The following KLHDC1 variants were observed in gnomAD, a reference collection of about 807,000 sequenced individuals.
KLHDC1 encodes the protein kelch domain-containing protein 1.
KLHDC1 carries 53 observed loss-of-function variants against 68.3 expected under a neutral mutation model. That is an observed-to-expected ratio of 0.78 (90% CI 0.62 to 0.98). KLHDC1 has a LOEUF of 0.98. Among genes scored for constraint, KLHDC1 ranks in the 50% least tolerant of loss-of-function variants. The probability of loss-of-function intolerance (pLI) is 0.00; values close to 1 mark genes in which losing one functional copy is unlikely to be tolerated. For missense variants in KLHDC1, 470 were observed against 492.3 expected, an observed-to-expected ratio of 0.95 and a Z score of 0.43; for synonymous variants, 148 against 159.0, an observed-to-expected ratio of 0.93 and a Z score of 0.52.
At chr14:49,714,599 C>T (rs1030499696) in intron 4 of KLHDC1, among the ~76,000 whole-genome samples, 1 of 151,634 alleles carries the variant, frequency 6.6e-6, no homozygotes, top group Non-Finnish European at 1.5e-5. Flanking sequence ...CACAGTGAGA[C>T]CTCATCTCTA....
At chr14:49,722,518 A>G (rs536235421) in intron 4 of KLHDC1, among the ~76,000 whole-genome samples, 1 of 152,174 alleles carries the variant, frequency 6.6e-6, no homozygotes, top group Non-Finnish European at 1.5e-5. Context: ...TCTATCATTG[A>G]TGGACATTTG....
At position 49,723,067 on chromosome 14, in the gene KLHDC1, A is replaced by C. The variant is rs1173479346; in HGVS notation, c.405-807A>C. Among the ~76,000 whole-genome samples, 3 of 126,436 alleles carry C rather than the reference A, an allele frequency of 2.4e-5. No individual in the cohort carries two copies. In the Admixed American group the frequency reaches 3.1e-4, roughly 13 times the overall value. 82.9% of individuals were successfully genotyped at this position (126,436 alleles called of 152,430 possible). On this transcript the variant is annotated intron_variant, in intron 4 of 12. Coordinates refer to ENST00000359332, the MANE Select transcript of KLHDC1 (RefSeq NM_172193.3). ...ACGCCACTGCACTCCAGCCTGGGCAACAAGAGTGAGACTCTGTCTCAAAAA... is the reference window on the plus strand; with the variant it reads ...ACGCCACTGCACTCCAGCCTGGGCACCAAGAGTGAGACTCTGTCTCAAAAA...
chr14:49,724,454 TA>T (rs1566609678), intron 5 of KLHDC1, among the ~76,000 whole-genome samples: 3 of 152,058 alleles, frequency 2.0e-5, no homozygotes, highest in African/African-American at 7.2e-5. Flanking sequence ...ACAGATAATT[TA>T]AAAAACCATT....
intron 4 of KLHDC1, among the ~76,000 whole-genome samples, chr14:49,711,405 G>A (rs1482862357): frequency 6.6e-6 from 1 of 152,058 alleles, no homozygotes; most frequent in African/African-American, 2.4e-5. Context: ...GGGTTTCACT[G>A]TGTTAGCCAG....
chr14:49,749,722 A>G lies in KLHDC1; in HGVS notation c.1035-1864A>G, dbSNP rs181757240. On this transcript the variant is annotated intron_variant, in intron 12 of 12. Coordinates refer to ENST00000359332, the MANE Select transcript of KLHDC1 (RefSeq NM_172193.3). ...AGAAATACAATTTATTAACTAGTCT[A>G]TTATATTTAGGATATCTGCAATTTG... is the stretch of plus-strand genomic sequence containing the variant. Among the ~76,000 whole-genome samples, 996 of 151,244 alleles carry G rather than the reference A, an allele frequency of 6.6e-3. 7 individuals carry two copies. Among genetic ancestry groups the G allele is most frequent in the Admixed American group, 0.012 (185 of 15,132 alleles).
At chr14:49,746,899 C>T (rs943955506) in intron 12 of KLHDC1, among the ~76,000 whole-genome samples, 4 of 151,970 alleles carry the variant, frequency 2.6e-5, no homozygotes, top group African/African-American at 4.8e-5. Context: ...GGACTCTTCT[C>T]GGTTCTCCAA....
At chr14:49,737,183 T>G (rs1260251622) in intron 10 of KLHDC1, among the ~76,000 whole-genome samples, 1 of 152,176 alleles carries the variant, frequency 6.6e-6, no homozygotes, top group African/African-American at 2.4e-5. Context: ...TACCTAACCC[T>G]CTTCCAGTTC....
intron 4 of KLHDC1, among the ~76,000 whole-genome samples, chr14:49,712,236 A>G (rs1041147494): frequency 6.6e-6 from 1 of 151,980 alleles, no homozygotes; most frequent in African/African-American, 2.4e-5. Flanking sequence ...TTCCATATAT[A>G]TAGTTGCTTT....
chr14:49,737,965 T>A (rs1888971123), intron 10 of KLHDC1, among the ~76,000 whole-genome samples: 1 of 152,160 alleles, frequency 6.6e-6, no homozygotes, highest in African/African-American at 2.4e-5. Context: ...TTGGGAAATT[T>A]TTTTGAGAGT....
At chr14:49,743,550 C>G (rs1286646046) in intron 11 of KLHDC1, among the ~76,000 whole-genome samples, 1 of 152,042 alleles carries the variant, frequency 6.6e-6, no homozygotes, top group African/African-American at 2.4e-5. Flanking sequence ...ACCACAAACT[C>G]AAAGTTTGTA....
At chr14:49,747,334 A>C (rs1464176567) in intron 12 of KLHDC1, among the ~76,000 whole-genome samples, 1 of 152,152 alleles carries the variant, frequency 6.6e-6, no homozygotes, top group Non-Finnish European at 1.5e-5. Context: ...TTTCTCTGTT[A>C]GTGAAGGGTG....
intron 5 of KLHDC1, among the ~76,000 whole-genome samples, chr14:49,724,402 A>G (rs1888614032): frequency 6.6e-6 from 1 of 152,126 alleles, no homozygotes; most frequent in Non-Finnish European, 1.5e-5. Context: ...ATAAATCATT[A>G]TTAATGAAAG....
chr14:49,713,802 A>T (rs1888272762), intron 4 of KLHDC1, among the ~76,000 whole-genome samples: 1 of 3,144 alleles, frequency 3.2e-4, no homozygotes, highest in Non-Finnish European at 5.0e-4. Flanking sequence ...CAGGAGGTAT[A>T]TATATATATA....
At chr14:49,715,417 G>A (rs952836065) in intron 4 of KLHDC1, among the ~76,000 whole-genome samples, 7 of 151,182 alleles carry the variant, frequency 4.6e-5, no homozygotes, top group African/African-American at 7.3e-5. Context: ...CACCGTGCCC[G>A]GCCTACTTTA....
chr14:49,742,632 C>T (rs1005123696), intron 11 of KLHDC1, among the ~76,000 whole-genome samples: 1 of 148,112 alleles, frequency 6.8e-6, no homozygotes, highest in Non-Finnish European at 1.5e-5. Context: ...GAGATCGCAC[C>T]ACCGCACTCT....
chr14:49,715,243 C>T (rs1432016877), intron 4 of KLHDC1, among the ~76,000 whole-genome samples: 3 of 150,810 alleles, frequency 2.0e-5, no homozygotes, highest in Non-Finnish European at 4.4e-5. Flanking sequence ...CTGCCTCAGC[C>T]TCCCGAATAG....
chr14:49,720,440 A>G (rs1285677524), intron 4 of KLHDC1, among the ~76,000 whole-genome samples: 1 of 151,594 alleles, frequency 6.6e-6, no homozygotes, highest in Non-Finnish European at 1.5e-5. Flanking sequence ...CTTTTTTGTG[A>G]CAAATTTACT....
chr14:49,743,928 A>G, intron 12 of KLHDC1, 123 bp downstream of exon 12: 1 of 604,954 alleles, frequency 1.7e-6, no homozygotes, highest in Non-Finnish European at 3.0e-6. Context: ...ATATGTTCAC[A>G]TCTTCCTAAG....
intron 6 of KLHDC1, among the ~76,000 whole-genome samples, chr14:49,727,389 A>G (rs202076427): frequency 7.9e-5 from 12 of 152,126 alleles, no homozygotes; most frequent in East Asian, 7.7e-4. Context: ...ACAGGAGGCT[A>G]TTGTGACTGA....
Sources: allele counts gnomAD v4.1 joint callset (sites outside exome capture counted in the v4.1 genomes callset), GRCh38; gene constraint gnomAD v4.1.1; transcripts MANE v1.5; gene names NCBI Gene and HGNC (gene_info 2026-07-23, HGNC 2026-07-21).